Variants in ANXA3 observed in about 807,000 individuals in gnomAD.
The protein encoded by ANXA3 is 35-alpha calcimedin.
Under a neutral mutation model 48.8 loss-of-function variants are expected in ANXA3, and 46 were observed. That is an observed-to-expected ratio of 0.94 (90% CI 0.74 to 1.21). The LOEUF is 1.21. Ranked by LOEUF, ANXA3 falls within the 50% of genes most tolerant of loss-of-function variation. The pLI is 0.00. For synonymous variants in ANXA3, 128 were observed against 134.7 expected (o/e 0.95, Z 0.35); for missense variants, 383 against 378.6 (o/e 1.01, Z -0.10).
Position 78,595,906 on chromosome 4 carries a change from A to G in ANXA3, c.634+19A>G, listed in dbSNP as rs2109945849. 6.9e-7 allele frequency: 1 copy of G among 1,446,562 alleles called. No individual in the cohort carries two copies. The allele number at this position is 1,446,562 out of a possible 1,614,324, so 89.6% of individuals were successfully genotyped here. A position where few individuals can be genotyped will look rare whatever the true frequency, so the allele number is the denominator to read the frequency against. On this transcript the variant is annotated intron_variant, in intron 9 of 12. Transcript: ENST00000264908. The stretch of plus-strand genomic sequence containing the variant: ...AAACTAAGTACAAACTCACATTACA[A>G]TCCTTTGTGTTGTATGTTGTTTTTA...
At chr4:78,594,114 TC>T (rs1338188066) in intron 7 of ANXA3, among the ~76,000 whole-genome samples, 2 of 152,134 alleles carry the variant, frequency 1.3e-5, no homozygotes, top group Non-Finnish European at 2.9e-5. Flanking sequence ...AGTTTTGCCA[TC>T]TCTAGAATGT....
rs1247112806 is a variant in ANXA3 at position 78,558,532 on chromosome 4, T to G, written c.15+4044T>G. On this transcript the variant is annotated intron_variant, in intron 2 of 12. Coordinates refer to ENST00000264908, the MANE Select transcript of ANXA3 (RefSeq NM_005139.3). The stretch of plus-strand genomic sequence containing the variant: ...TACGTGATTATGTGTATGATTAGTT[T>G]ATTACAGTGGTATGATCAAGGGAGA... Among the ~76,000 whole-genome samples, 4 of 152,366 alleles carry G rather than the reference T, an allele frequency of 2.6e-5. No individual in the cohort carries two copies. In the Middle Eastern group the frequency reaches 0.01, roughly 389 times the overall value.
At chr4:78,604,162 G>T (rs1723600327) in intron 11 of ANXA3, 115 bp from the exon 12 acceptor site, 1 of 934,810 alleles carries the variant, frequency 1.1e-6, no homozygotes, top group Non-Finnish European at 1.5e-6. Context: ...AAATGAAAAA[G>T]AATCACTATA....
intron 2 of ANXA3, among the ~76,000 whole-genome samples, chr4:78,562,873 G>A (rs1180983837): frequency 1.3e-5 from 2 of 152,166 alleles, no homozygotes; most frequent in Non-Finnish European, 2.9e-5. Flanking sequence ...GAGCAGCCAG[G>A]CAGACGGAAT....
chr4:78,609,175 G>A (rs536259042), intron 12 of ANXA3, among the ~76,000 whole-genome samples: 140 of 152,258 alleles, frequency 9.2e-4, no homozygotes, highest in African/African-American at 3.2e-3. Flanking sequence ...TTCACTAAAT[G>A]AGCCTTCTCT....
intron 6 of ANXA3, among the ~76,000 whole-genome samples, chr4:78,587,945 A>T (rs1281104668): frequency 6.6e-6 from 1 of 152,156 alleles, no homozygotes; most frequent in African/African-American, 2.4e-5. Flanking sequence ...ATACAAAAAA[A>T]GTTAGATGGT....
At chr4:78,593,508 T>G (rs1182679614) in intron 7 of ANXA3, among the ~76,000 whole-genome samples, 1 of 142,772 alleles carries the variant, frequency 7.0e-6, no homozygotes, top group Non-Finnish European at 1.5e-5. Flanking sequence ...CGCCTTTGAG[T>G]TTTTTTTTTT....
chr4:78,604,717 C>T (rs1374041473), intron 12 of ANXA3, among the ~76,000 whole-genome samples: 2 of 152,078 alleles, frequency 1.3e-5, no homozygotes, highest in African/African-American at 4.8e-5. Flanking sequence ...GTCTTTATGA[C>T]AATGTAAGAA....
intron 9 of ANXA3, 75 bp downstream of exon 9, chr4:78,595,962 C>G: frequency 9.8e-7 from 1 of 1,017,244 alleles, no homozygotes; most frequent in Non-Finnish European, 1.5e-6. Flanking sequence ...ATACAAAGAT[C>G]TAGAAAAACG....
At chr4:78,574,222 C>T (rs1048030851) in intron 3 of ANXA3, among the ~76,000 whole-genome samples, 1 of 152,126 alleles carries the variant, frequency 6.6e-6, no homozygotes, top group Non-Finnish European at 1.5e-5. Flanking sequence ...AGTTCAACAC[C>T]AGCCTGGCAA....
intron 11 of ANXA3, chr4:78,603,467 A>G (rs1477600124): frequency 6.6e-6 from 1 of 152,058 alleles, no homozygotes; most frequent in East Asian, 1.9e-4. Context: ...CATTTTCTCC[A>G]TCCCTACTGC....
At chr4:78,555,610 G>A (rs1214373689) in intron 2 of ANXA3, among the ~76,000 whole-genome samples, 1 of 151,988 alleles carries the variant, frequency 6.6e-6, no homozygotes, top group Non-Finnish European at 1.5e-5. Flanking sequence ...AGGCCAAGAT[G>A]GGAGGATCAT....
At chr4:78,583,676 G>A (rs1723118807) in intron 5 of ANXA3, among the ~76,000 whole-genome samples, 2 of 151,998 alleles carry the variant, frequency 1.3e-5, no homozygotes, top group Admixed American at 1.3e-4. Context: ...TTATGGGACT[G>A]GTTAGGCAAG....
chr4:78,553,883 T>A (rs1722453776), intron 1 of ANXA3: 1 of 152,278 alleles, frequency 6.6e-6, no homozygotes, highest in Non-Finnish European at 1.5e-5. Flanking sequence ...CAAAGAACTG[T>A]GCCTTTCACC....
chr4:78,569,723 A>C (rs190178585), intron 2 of ANXA3, among the ~76,000 whole-genome samples: 7 of 152,192 alleles, frequency 4.6e-5, no homozygotes, highest in Non-Finnish European at 8.8e-5. Flanking sequence ...GGTGATGCTG[A>C]TGCAGCTGCT....
chr4:78,604,362 A>G lies in ANXA3; in HGVS notation c.875A>G (p.Lys292Arg), dbSNP rs771578011. The G allele has an allele frequency of 1.9e-6, 3 of 1,613,420 alleles. No individual in the cohort carries two copies. The highest frequency in any genetic ancestry group is 2.2e-5 in the East Asian group (1 of 44,792). Residue 292 changes from lysine (K) to arginine (R), a missense_variant, in exon 12 of 13, where the codon AAG (lysine) becomes AGG (arginine). Lys to Arg is a conservative substitution (Grantham distance 26). Transcript: ENST00000264908. The stretch of plus-strand genomic sequence containing the variant: ...CTTTTGGACATTCGAACAGAGTTCA[A>G]GAAGCATTATGGCTATTCCCTATAT... ...IDLLDIRTEF[K>R]KHYGYSLYSA...
At chr4:78,606,154 T>C (rs1474973219) in intron 12 of ANXA3, among the ~76,000 whole-genome samples, 1 of 152,252 alleles carries the variant, frequency 6.6e-6, no homozygotes, top group Non-Finnish European at 1.5e-5. Context: ...ACTTGCAGGC[T>C]ATGCAGACCT....
rs1190736466 is a variant in ANXA3, at chr4:78,582,193, T to C, written c.215T>C (p.Leu72Ser). 1 of 1,612,408 alleles carries C rather than the reference T, an allele frequency of 6.2e-7. No individual in the cohort carries two copies. Among genetic ancestry groups the C allele is most frequent in the African/African-American group, 1.3e-5 (1 of 74,884 alleles). The change falls in exon 5 of 13, where the codon TTG becomes TCG. Residue 72 changes from leucine (L) to serine (S), a missense_variant. Physicochemically the swap from Leu to Ser is moderately radical, Grantham distance 145 (BLOSUM62 -2). Coordinates refer to ENST00000264908, the MANE Select transcript of ANXA3 (RefSeq NM_005139.3). ...TGATTTTAGGAGCTGAAAGATGACTTGAAGGGTGATCTCTCTGGCCACTTT... is the reference window on the plus strand; with the variant it reads ...TGATTTTAGGAGCTGAAAGATGACTCGAAGGGTGATCTCTCTGGCCACTTT... ...AAYGKELKDDLKGDLSGHFEH... is the reference protein window; with the variant it reads ...AAYGKELKDDSKGDLSGHFEH...
intron 5 of ANXA3, among the ~76,000 whole-genome samples, chr4:78,583,566 A>G (rs1723116590): frequency 1.3e-5 from 2 of 151,364 alleles, no homozygotes; most frequent in Admixed American, 6.6e-5. Context: ...CTAGGCTACA[A>G]TGAGCCATGA....
Sources: gnomAD v4.1 joint callset for allele counts (sites outside exome capture counted in the v4.1 genomes callset) on GRCh38, gnomAD v4.1.1 for gene constraint, MANE v1.5 for transcripts, NCBI Gene and HGNC (gene_info 2026-07-23, HGNC 2026-07-21) for gene names.